The following CCDC47 variants were observed in gnomAD, a reference collection of about 807,000 sequenced individuals.
The protein encoded by CCDC47 is coiled-coil domain containing 47, also known as PAT complex subunit CCDC47.
CCDC47 carries 41 observed loss-of-function variants against 60.5 expected under a neutral mutation model. That is an observed-to-expected ratio of 0.68 (90% CI 0.53 to 0.88). CCDC47 has a LOEUF of 0.88. Among genes scored for constraint, CCDC47 ranks in the 40% least tolerant of loss-of-function variants. The pLI, the probability that CCDC47 is intolerant of heterozygous loss-of-function variation, is 0.00. For missense variants in CCDC47, 513 were observed against 580.9 expected (o/e 0.88, Z 1.20); for synonymous variants, 195 against 190.7 (o/e 1.02, Z -0.18).
chr17:63,761,490 GCCAGCATGGTGAAA>G, intron 4 of CCDC47, 139 bp from the exon 5 acceptor site: 1 of 715,390 alleles, frequency 1.4e-6, no homozygotes, highest in Admixed American at 2.4e-5. Flanking sequence ...GACCAGCCTG[GCCAGCATGGTGAAA>G]CCCTGTCCCT....
chr17:63,768,931 T>A (rs573777033), intron 1 of CCDC47, among the ~76,000 whole-genome samples: 2 of 151,250 alleles, frequency 1.3e-5, no homozygotes, highest in Non-Finnish European at 3.0e-5. Flanking sequence ...TAAAAATATT[T>A]AAAAAATTAG....
chr17:63,769,754 A>C (rs78172786), intron 1 of CCDC47, among the ~76,000 whole-genome samples: 35,032 of 151,970 alleles, frequency 0.23, 4,213 homozygotes, highest in Middle Eastern at 0.33. Context: ...ACTAACACTA[A>C]TGATAGCCAA....
At chr17:63,763,301 T>C (rs999316805) in intron 4 of CCDC47, among the ~76,000 whole-genome samples, 4 of 152,098 alleles carry the variant, frequency 2.6e-5, no homozygotes, top group African/African-American at 7.2e-5. Context: ...GGCAGCCAGA[T>C]TGCTTGAGCC....
chr17:63,760,850 A>AG (rs1568249685), intron 6 of CCDC47, 64 bp downstream of exon 6: 5 of 1,205,704 alleles, frequency 4.1e-6, no homozygotes, highest in South Asian at 1.4e-5. Context: ...AAAAAAAAAA[A>AG]AAAGAAAGAA....
chr17:63,750,733 C>T (rs545560202), intron 12 of CCDC47, among the ~76,000 whole-genome samples: 5 of 151,962 alleles, frequency 3.3e-5, no homozygotes, highest in Non-Finnish European at 7.4e-5. Flanking sequence ...TACAGGCACG[C>T]GCCACCACGC....
chr17:63,765,844 T>C (rs185231603), intron 2 of CCDC47, 68 bp downstream of exon 2: 1 of 1,493,062 alleles, frequency 6.7e-7, no homozygotes, highest in Non-Finnish European at 9.1e-7. Flanking sequence ...AGCCTGAGGA[T>C]TAATTTTAAT....
intron 9 of CCDC47, chr17:63,753,410 G>T (rs2039181833): frequency 5.4e-6 from 1 of 184,596 alleles, no homozygotes; most frequent in African/African-American, 2.4e-5. Flanking sequence ...AGACAAGGAT[G>T]ATGCAGCACT....
intron 1 of CCDC47, among the ~76,000 whole-genome samples, chr17:63,767,530 A>G (rs2039305849): frequency 6.6e-6 from 1 of 152,028 alleles, no homozygotes; most frequent in Non-Finnish European, 1.5e-5. Flanking sequence ...CAACCATCAA[A>G]CCCATTTAGG....
chr17:63,756,171 T>G, intron 8 of CCDC47, 69 bp downstream of exon 8: 77 of 1,005,386 alleles, frequency 7.7e-5, no homozygotes, highest in Non-Finnish European at 1.1e-4. Flanking sequence ...ACTTGTACAA[T>G]GAGACTTTTA....
intron 1 of CCDC47, among the ~76,000 whole-genome samples, chr17:63,773,201 A>T (rs2039365031): frequency 6.6e-6 from 1 of 152,228 alleles, no homozygotes; most frequent in Admixed American, 6.5e-5. Flanking sequence ...ACCCAAGAGA[A>T]TCAATACATC....
At chr17:63,762,450 T>A (rs1339573387) in intron 4 of CCDC47, among the ~76,000 whole-genome samples, 7 of 152,156 alleles carry the variant, frequency 4.6e-5, no homozygotes, top group Non-Finnish European at 8.8e-5. Context: ...GTTTCCTCCT[T>A]AGGAAAACAG....
chr17:63,754,322 C>T (rs922097981), intron 9 of CCDC47, 111 bp downstream of exon 9: 1 of 697,352 alleles, frequency 1.4e-6, no homozygotes, highest in Non-Finnish European at 2.5e-6. Context: ...AGGCCTGTCA[C>T]CAACTTCCTT....
intron 8 of CCDC47, chr17:63,755,231 T>A (rs1277223424): frequency 2.5e-5 from 23 of 919,418 alleles, no homozygotes; most frequent in Middle Eastern, 5.5e-4. Flanking sequence ...CCACCCAAAG[T>A]GTTGAGATTA....
At chr17:63,751,661 GTGTT>G (rs2039166335) in intron 12 of CCDC47, 4 of 551,246 alleles carry the variant, frequency 7.3e-6, no homozygotes, top group Non-Finnish European at 1.3e-5. Flanking sequence ...TTCTACCAAA[GTGTT>G]TGGCTCGAAA....
chr17:63,747,389 A>G, intron 12 of CCDC47: 1 of 984,372 alleles, frequency 1.0e-6, no homozygotes, highest in Non-Finnish European at 1.2e-6. Flanking sequence ...CCATCAGGTT[A>G]TTCATTGCAA....
chr17:63,752,997 A>C (rs1374434917), intron 9 of CCDC47, 198 bp from the exon 10 acceptor site: 504 of 837,144 alleles, frequency 6.0e-4, no homozygotes, highest in East Asian at 7.4e-4. Flanking sequence ...ATGCATTCTC[A>C]AGTGATCTTT....
At chr17:63,768,487 A>G (rs776966971) in intron 1 of CCDC47, among the ~76,000 whole-genome samples, 19 of 152,086 alleles carry the variant, frequency 1.2e-4, no homozygotes, top group Non-Finnish European at 2.6e-4. Flanking sequence ...CAAGAGTTGG[A>G]GACCAGCCTT....
At chr17:63,755,373 G>A (rs776382200) in intron 8 of CCDC47, 292 of 836,134 alleles carry the variant, frequency 3.5e-4, no homozygotes, top group Middle Eastern at 6.0e-4. Flanking sequence ...TAATCCAAGC[G>A]CTTTGGGAGG....
In CCDC47 at chr17:63,764,160, T is replaced by C. The variant is rs2039280852; in HGVS notation, c.403A>G (p.Ser135Gly). The C allele has an allele frequency of 2.5e-6, 4 of 1,610,970 alleles. No individual in the cohort carries two copies. Among genetic ancestry groups the C allele is most frequent in the Non-Finnish European group, 2.5e-6 (3 of 1,179,108 alleles). The change falls in exon 4 of 13, where the codon AGT (serine) becomes GGT (glycine). Residue 135 changes from serine to glycine, a missense_variant. By Grantham distance (56) the Ser-to-Gly change is moderately conservative (BLOSUM62 0). Transcript: ENST00000225726. ...VPAHLQNSWE[S>G]YYLEILMVTG... ...ACCATCAAAATTTCTAGATAATAAC[T>C]CTCCCAGCTGTTCTGGAGGTGTGCA...
Sources: gnomAD v4.1 joint callset for allele counts (sites outside exome capture counted in the v4.1 genomes callset) on GRCh38, gnomAD v4.1.1 for gene constraint, MANE v1.5 for transcripts, NCBI Gene and HGNC (gene_info 2026-07-23, HGNC 2026-07-21) for gene names.